The following MGMT variants were observed in gnomAD, a reference collection of about 807,000 sequenced individuals.
MGMT encodes the protein methylated-DNA--protein-cysteine methyltransferase.
A neutral mutation model predicts 15.9 loss-of-function variants in MGMT; 14 were observed. The observed-to-expected ratio is 0.88, with a 90% confidence interval of 0.58 to 1.37. The LOEUF (loss-of-function observed/expected upper bound fraction) is 1.37. MGMT is among the 40% of genes most tolerant of loss of function. The probability of loss-of-function intolerance (pLI) is 0.00; values close to 1 mark genes in which losing one functional copy is unlikely to be tolerated. For missense variants in MGMT, 282 were observed against 268.1 expected (o/e 1.05, Z -0.36); for synonymous variants, 130 against 118.2 (o/e 1.10, Z -0.65).
chr10:129,554,895 CTCT>C (rs1846195862), intron 2 of MGMT, among the ~76,000 whole-genome samples: 1 of 152,142 alleles, frequency 6.6e-6, no homozygotes, highest in African/African-American at 2.4e-5. Flanking sequence ...TTCCTAACTC[CTCT>C]ACTTTACAGC....
intron 3 of MGMT, 150 bp downstream of exon 3, chr10:129,708,193 G>A: frequency 9.5e-7 from 1 of 1,048,910 alleles, no homozygotes; most frequent in East Asian, 2.4e-5. Flanking sequence ...GGAGGGACGG[G>A]GGTTCGCCGC....
At chr10:129,559,809 T>C (rs1322020334) in intron 2 of MGMT, among the ~76,000 whole-genome samples, 3 of 152,240 alleles carry the variant, frequency 2.0e-5, no homozygotes, top group Non-Finnish European at 4.4e-5. Context: ...TTTCTCAAAA[T>C]ATACATCTTT....
intron 2 of MGMT, among the ~76,000 whole-genome samples, chr10:129,572,945 C>T (rs182162098): frequency 4.5e-4 from 68 of 152,208 alleles, no homozygotes; most frequent in African/African-American, 1.6e-3. Context: ...TGATTTGAAG[C>T]AAAGTTAATT....
intron 4 of MGMT, among the ~76,000 whole-genome samples, chr10:129,766,511 G>A (rs534800840): frequency 9.9e-5 from 15 of 152,282 alleles, no homozygotes; most frequent in African/African-American, 2.9e-4. Context: ...CTCCCAAATC[G>A]TGGGCCTAAA....
intron 2 of MGMT, among the ~76,000 whole-genome samples, chr10:129,581,885 T>C (rs1390283100): frequency 1.3e-5 from 2 of 152,350 alleles, no homozygotes; most frequent in East Asian, 3.9e-4. Context: ...ACAGTTTCTA[T>C]CCTTAATATT....
chr10:129,559,605 T>G (rs1195409983), intron 2 of MGMT, among the ~76,000 whole-genome samples: 2 of 152,202 alleles, frequency 1.3e-5, no homozygotes, highest in East Asian at 3.9e-4. Context: ...TTTGGCATAT[T>G]GTGTTGCCTT....
At chr10:129,493,024 T>C (rs1845485081) in intron 1 of MGMT, among the ~76,000 whole-genome samples, 1 of 152,208 alleles carries the variant, frequency 6.6e-6, no homozygotes, top group Non-Finnish European at 1.5e-5. Context: ...ATCCTGTGGG[T>C]GGAGTGTGGG....
chr10:129,597,597 A>G (rs1248913399), intron 2 of MGMT, among the ~76,000 whole-genome samples: 2 of 152,186 alleles, frequency 1.3e-5, no homozygotes, highest in Non-Finnish European at 2.9e-5. Context: ...TTGATTATCC[A>G]AAAGCTCAAG....
intron 1 of MGMT, among the ~76,000 whole-genome samples, chr10:129,468,338 C>T (rs1055440167): frequency 6.6e-6 from 1 of 152,116 alleles, no homozygotes; most frequent in African/African-American, 2.4e-5. Flanking sequence ...GAAACCGCGT[C>T]AAGAGCCTGG....
chr10:129,529,649 A>T (rs2119745491), intron 1 of MGMT, among the ~76,000 whole-genome samples: 1 of 142,586 alleles, frequency 7.0e-6, no homozygotes. Context: ...TTTTCATTTT[A>T]TTCTAATCTT....
At chr10:129,522,939 C>T (rs1029833760) in intron 1 of MGMT, among the ~76,000 whole-genome samples, 1 of 152,238 alleles carries the variant, frequency 6.6e-6, no homozygotes. Flanking sequence ...TACCTATTCT[C>T]TAAGAAGTCA....
intron 4 of MGMT, among the ~76,000 whole-genome samples, chr10:129,761,800 G>A (rs73377882): frequency 0.063 from 9,538 of 152,260 alleles, 961 homozygotes; most frequent in African/African-American, 0.21. Flanking sequence ...GCAGCCAGGC[G>A]GTGGTGGCTT....
intron 1 of MGMT, among the ~76,000 whole-genome samples, chr10:129,472,399 G>A (rs1234255528): frequency 6.6e-6 from 1 of 152,034 alleles, no homozygotes; most frequent in African/African-American, 2.4e-5. Context: ...TACATGGATA[G>A]AAATTTTAAT....
chr10:129,497,021 A>G (rs1480614670), intron 1 of MGMT, among the ~76,000 whole-genome samples: 2 of 151,850 alleles, frequency 1.3e-5, no homozygotes, highest in African/African-American at 4.8e-5. Context: ...TTGGCAAGGG[A>G]AGGCTATCGG....
chr10:129,522,757 C>CG (rs1182726558), intron 1 of MGMT, among the ~76,000 whole-genome samples: 1 of 152,120 alleles, frequency 6.6e-6, no homozygotes, highest in Non-Finnish European at 1.5e-5. Context: ...GATGTCTGGA[C>CG]GAGGAGAAAG....
At chr10:129,590,759 G>T (rs932251329) in intron 2 of MGMT, among the ~76,000 whole-genome samples, 5 of 152,170 alleles carry the variant, frequency 3.3e-5, no homozygotes, top group Non-Finnish European at 7.3e-5. Flanking sequence ...ACAGTTTACT[G>T]GCACTTTAAA....
chr10:129,504,151 C>T (rs1184124919), intron 1 of MGMT, among the ~76,000 whole-genome samples: 1 of 152,174 alleles, frequency 6.6e-6, no homozygotes, highest in Non-Finnish European at 1.5e-5. Context: ...GCCTTCAGAA[C>T]AGGAATGCTT....
intron 3 of MGMT, among the ~76,000 whole-genome samples, chr10:129,732,479 T>C (rs1418328115): frequency 6.6e-6 from 1 of 152,092 alleles, no homozygotes; most frequent in African/African-American, 2.4e-5. Context: ...GCAAAGGACA[T>C]GAACTCATCC....
intron 1 of MGMT, among the ~76,000 whole-genome samples, chr10:129,534,388 G>A (rs1449496755): frequency 6.6e-6 from 1 of 152,124 alleles, no homozygotes; most frequent in African/African-American, 2.4e-5. Context: ...TCCATATTCT[G>A]GGGTGATCGA....
Sources: allele counts gnomAD v4.1 joint callset (sites outside exome capture counted in the v4.1 genomes callset), GRCh38; gene constraint gnomAD v4.1.1; transcripts MANE v1.5; gene names NCBI Gene and HGNC (gene_info 2026-07-23, HGNC 2026-07-21).